Variants in USP6NL observed in about 807,000 individuals in gnomAD.
The protein encoded by USP6NL is USP6 N-terminal-like protein.
A neutral mutation model predicts 61.9 loss-of-function variants in USP6NL; 26 were observed. The ratio of observed to expected loss-of-function variants is 0.42; its 90% CI spans 0.31 to 0.58. The LOEUF (loss-of-function observed/expected upper bound fraction) is 0.58. Among genes scored for constraint, USP6NL ranks in the 20% least tolerant of loss-of-function variants. The probability of loss-of-function intolerance (pLI) is 0.16; values close to 1 mark genes in which losing one functional copy is unlikely to be tolerated. For missense variants in USP6NL, 1,114 were observed against 1,034.3 expected, an observed-to-expected ratio of 1.08 and a Z score of -1.06; for synonymous variants, 432 against 390.1, an observed-to-expected ratio of 1.11 and a Z score of -1.27.
At chr10:11,584,731 G>A (rs1837907529) in intron 2 of USP6NL, among the ~76,000 whole-genome samples, 1 of 152,140 alleles carries the variant, frequency 6.6e-6, no homozygotes, top group Non-Finnish European at 1.5e-5. Flanking sequence ...GAGCCCAGGA[G>A]TTCAAAACCA....
chr10:11,489,220 T>A lies in USP6NL; in HGVS notation c.546A>T (p.Glu182Asp). ...VLAAYSIYNT[E>D]VGYCQGMSQI... Reference sequence around the variant, plus strand: ...GGCTCATCCCCTGACAATACCCGACTTCCTGGGGAGCAAAGGGGAACACAG... The same window carrying A: ...GGCTCATCCCCTGACAATACCCGACATCCTGGGGAGCAAAGGGGAACACAG... The change falls in exon 10 of 15, where the codon GAA becomes GAT. Residue 182 changes from glutamate to aspartate, a missense_variant and splice_region_variant. Glu to Asp is a conservative substitution (Grantham distance 45). Transcript: ENST00000609104. The surrounding 1 kb of genome is among the most constrained non-coding windows in gnomAD (Gnocchi z 5.7). 1 of 1,613,770 alleles carries A rather than the reference T, an allele frequency of 6.2e-7. No homozygotes were observed. Among genetic ancestry groups the A allele is most frequent in the Non-Finnish European group, 8.5e-7 (1 of 1,179,744 alleles).
intron 2 of USP6NL, chr10:11,573,579 CTTGA>C (rs1184273771): frequency 3.0e-5 from 12 of 398,688 alleles, no homozygotes; most frequent in Non-Finnish European, 5.3e-5. Flanking sequence ...CCTGAAAGTG[CTTGA>C]TTGTTCATTC....
At position 11,485,971 on chromosome 10, in the gene USP6NL, T is replaced by A; in HGVS notation, c.665-60A>T. On this transcript the variant is annotated intron_variant, in intron 10 of 14. Coordinates refer to ENST00000609104, the MANE Select transcript of USP6NL (RefSeq NM_014688.5). The surrounding 1 kb of genome is among the most constrained non-coding windows in gnomAD (Gnocchi z 4.8). The stretch of plus-strand genomic sequence containing the variant: ...CAATACCAACAAAACCCTCCAATCT[T>A]AAAACACAACATATTTCATTTGTAA... 1 of 1,124,342 alleles carries A rather than the reference T, an allele frequency of 8.9e-7. No individual in the cohort carries two copies. The highest frequency in any genetic ancestry group is 1.3e-6 in the Non-Finnish European group (1 of 798,012). 69.6% of individuals were successfully genotyped at this position (1,124,342 alleles called of 1,614,324 possible). A position where few individuals can be genotyped will look rare whatever the true frequency, so the allele number is the denominator to read the frequency against.
rs556359509 is a variant in USP6NL, at chr10:11,506,489, T to A, written c.276+3106A>T. Among the ~76,000 whole-genome samples, 45 of 150,454 alleles carry A rather than the reference T, an allele frequency of 3.0e-4. No homozygotes were observed. In the South Asian group the frequency reaches 5.7e-3, roughly 19 times the overall value. On this transcript the variant is annotated intron_variant, in intron 6 of 14. Transcript: ENST00000609104. Reference sequence around the variant, plus strand: ...AGACCCTATCTCTAGAAAAATAAAATTTTTTTTTTAATTAGCAGGCATGGT... The same window carrying A: ...AGACCCTATCTCTAGAAAAATAAAAATTTTTTTTTAATTAGCAGGCATGGT...
Position 11,462,714 on chromosome 10 carries a change from T to G in USP6NL, c.2214A>C (p.Glu738Asp), listed in dbSNP as rs759103678. 6.2e-7 allele frequency: 1 copy of G among 1,614,028 alleles called. No individual in the cohort carries two copies. The highest frequency in any genetic ancestry group is 2.2e-5 in the East Asian group (1 of 44,886). The change falls in exon 15 of 15, where the codon GAA becomes GAC. Residue 738 changes from glutamate (E) to aspartate (D), a missense_variant. Coordinates refer to ENST00000609104, the MANE Select transcript of USP6NL (RefSeq NM_014688.5). Reference protein sequence around the residue: ...DYLPDNRTWSEVSYTYRPETQ... With the variant: ...DYLPDNRTWSDVSYTYRPETQ... Reference sequence around the variant, plus strand: ...TCTCAGGTCTGTATGTATAACTAACTTCTGACCATGTTCTGTTATCTGGCA... The same window carrying G: ...TCTCAGGTCTGTATGTATAACTAACGTCTGACCATGTTCTGTTATCTGGCA...
At chr10:11,584,852 C>A (rs748139271) in intron 2 of USP6NL, among the ~76,000 whole-genome samples, 12 of 152,060 alleles carry the variant, frequency 7.9e-5, no homozygotes, top group Non-Finnish European at 1.6e-4. Flanking sequence ...GTGGGAGAAT[C>A]ACTTGAGCCA....
At chr10:11,484,895 G>A in intron 13 of USP6NL, 76 bp downstream of exon 13, 1 of 1,135,926 alleles carries the variant, frequency 8.8e-7, no homozygotes, top group Non-Finnish European at 1.2e-6. Flanking sequence ...AAGTTGAAGT[G>A]GGTGGGGAAT....
rs932743348 is a variant in USP6NL at position 11,474,483 on chromosome 10, G to T, written c.1078+7287C>A. 6.6e-6 allele frequency among the ~76,000 whole-genome samples: 1 copy of T among 152,110 alleles called. No individual in the cohort carries two copies. The highest frequency in any genetic ancestry group is 2.1e-4 in the South Asian group (1 of 4,830). The stretch of plus-strand genomic sequence containing the variant: ...TACATTTATAAAGGCAATTAAAAAC[G>T]TTTGTAGGAATTTATGTTTATAAGT... On this transcript the variant is annotated intron_variant, in intron 14 of 14. Coordinates refer to ENST00000609104, the MANE Select transcript of USP6NL (RefSeq NM_014688.5). This position sits in a 1 kb window ranked among gnomAD's most constrained non-coding sequence, Gnocchi z 4.9.
Position 11,494,649 on chromosome 10 carries a change from T to C in USP6NL, c.385-1421A>G, listed in dbSNP as rs548180548. On this transcript the variant is annotated intron_variant, in intron 7 of 14. Coordinates refer to ENST00000609104, the MANE Select transcript of USP6NL (RefSeq NM_014688.5). ...AAAGGGGCAGGGTAAAGAGTGTGAG[T>C]CATCTCCAGTGATAGGTAAGGTCAT... Among the ~76,000 whole-genome samples the C allele has an allele frequency of 3.3e-5, 5 of 152,044 alleles. No homozygotes were observed. In the South Asian group the frequency reaches 1.0e-3, roughly 32 times the overall value.
intron 2 of USP6NL, among the ~76,000 whole-genome samples, chr10:11,559,272 C>A (rs1836832664): frequency 6.6e-6 from 1 of 152,082 alleles, no homozygotes; most frequent in Non-Finnish European, 1.5e-5. Flanking sequence ...TATTTATTGA[C>A]CCAAATAACA....
At position 11,548,224 on chromosome 10, in the gene USP6NL, A is replaced by C. The variant is rs966042573; in HGVS notation, c.5-20657T>G. Among the ~76,000 whole-genome samples, 1 of 152,234 alleles carries C rather than the reference A, an allele frequency of 6.6e-6. No individual in the cohort carries two copies. The highest frequency in any genetic ancestry group is 1.5e-5 in the Non-Finnish European group (1 of 68,038). ...ACATATTCACACTGTCTAACACATG[A>C]CATTTACTAAAGTCCCCTTTGAAAT... On this transcript the variant is annotated intron_variant, in intron 2 of 14. Coordinates refer to ENST00000609104, the MANE Select transcript of USP6NL (RefSeq NM_014688.5). The surrounding 1 kb of genome is among the most constrained non-coding windows in gnomAD (Gnocchi z 4.3).
chr10:11,594,681 C>T (rs1307462337), intron 2 of USP6NL, among the ~76,000 whole-genome samples: 1 of 152,182 alleles, frequency 6.6e-6, no homozygotes, highest in Non-Finnish European at 1.5e-5. Context: ...GGGCCACACT[C>T]TACACATACA....
chr10:11,463,233 C>T lies in USP6NL; in HGVS notation c.1695G>A (p.Val565=), dbSNP rs1434933502. ...AGTAAGCCCTTTCCAGCGCCTCCTCCACGGAAGCGCCGCTGTCCAGCTCCG... is the reference window on the plus strand; with the variant it reads ...AGTAAGCCCTTTCCAGCGCCTCCTCTACGGAAGCGCCGCTGTCCAGCTCCG... ...PGPELDSGAS[V]EEALERAYSQ... is the part of the protein sequence containing the mutation. The change falls in exon 15 of 15, where the codon GTG becomes GTA. Residue 565 remains valine (V), a synonymous_variant. Transcript: ENST00000609104. This position sits in a 1 kb window ranked among gnomAD's most constrained non-coding sequence, Gnocchi z 6.3. 1 of 1,613,390 alleles carries T rather than the reference C, an allele frequency of 6.2e-7. No individual in the cohort carries two copies. Among genetic ancestry groups the T allele is most frequent in the Non-Finnish European group, 8.5e-7 (1 of 1,179,890 alleles).
rs937696520 is a variant in USP6NL at position 11,518,883 on chromosome 10, G to T, written c.156-309C>A. Among the ~76,000 whole-genome samples, 6 of 152,192 alleles carry T rather than the reference G, an allele frequency of 3.9e-5. No homozygotes were observed. Among genetic ancestry groups the T allele is most frequent in the African/African-American group, 9.7e-5 (4 of 41,438 alleles). ...TAGTCTCACTAGGCACAGTTCAAGTGCATGAATGTCACGTAGCTAGAAGCC... is the reference window on the plus strand; with the variant it reads ...TAGTCTCACTAGGCACAGTTCAAGTTCATGAATGTCACGTAGCTAGAAGCC... On this transcript the variant is annotated intron_variant, in intron 4 of 14. Transcript: ENST00000609104. This position sits in a 1 kb window ranked among gnomAD's most constrained non-coding sequence, Gnocchi z 5.3.
At position 11,596,373 on chromosome 10, in the gene USP6NL, G is replaced by A. The variant is rs1309118957; in HGVS notation, c.4+1258C>T. ...GCGGTGGCTCACGCCTGTAATCCCA[G>A]CATTTTGGGAGGCTGAGGCGGGCGG... On this transcript the variant is annotated intron_variant, in intron 2 of 14. Transcript: ENST00000609104. This position sits in a 1 kb window ranked among gnomAD's most constrained non-coding sequence, Gnocchi z 4.1. Among the ~76,000 whole-genome samples, 1 of 152,162 alleles carries A rather than the reference G, an allele frequency of 6.6e-6. No homozygotes were observed. Among genetic ancestry groups the A allele is most frequent in the Non-Finnish European group, 1.5e-5 (1 of 68,026 alleles).
Position 11,602,825 on chromosome 10 carries a change from G to C in USP6NL, c.-83-5108C>G, listed in dbSNP as rs1487908439. On this transcript the variant is annotated intron_variant, in intron 1 of 14. Coordinates refer to ENST00000609104, the MANE Select transcript of USP6NL (RefSeq NM_014688.5). This position sits in a 1 kb window ranked among gnomAD's most constrained non-coding sequence, Gnocchi z 4.8. ...CTGGTCCCAAGCATTTCAGGTAAGA[G>C]ATACTCAACCTGTCATATCTTCTCA... Among the ~76,000 whole-genome samples, 3 of 152,148 alleles carry C rather than the reference G, an allele frequency of 2.0e-5. No homozygotes were observed. Among genetic ancestry groups the C allele is most frequent in the Non-Finnish European group, 4.4e-5 (3 of 68,030 alleles).
chr10:11,498,276 G>A (rs1174000566), intron 7 of USP6NL, among the ~76,000 whole-genome samples: 2 of 139,140 alleles, frequency 1.4e-5, no homozygotes, highest in Non-Finnish European at 3.1e-5. Flanking sequence ...GATTATCATT[G>A]TGAGTTTGGC....
chr10:11,460,624 C>CATATATAT lies in USP6NL; in HGVS notation c.*1809_*1816dup, dbSNP rs57177555. 0.02 allele frequency: 2,513 copies of CATATATAT among 126,422 alleles called. 42 individuals are homozygous for CATATATAT. Among genetic ancestry groups the CATATATAT allele is most frequent in the East Asian group, 0.035 (168 of 4,770 alleles). The allele number at this position is 126,422 out of a possible 1,614,324, so 7.8% of individuals were successfully genotyped here. On this transcript the variant is annotated 3_prime_UTR_variant, in exon 15 of 15. Transcript: ENST00000609104. ...CTTGTGTGTATATATATATTTTTTGCATATATATATATATATATATATATA... is the reference window on the plus strand; with the variant it reads ...CTTGTGTGTATATATATATTTTTTGCATATATATATATATATATATATATATATATATA...
intron 2 of USP6NL, among the ~76,000 whole-genome samples, chr10:11,594,968 A>T (rs1006826661): frequency 1.3e-5 from 2 of 152,168 alleles, no homozygotes; most frequent in African/African-American, 4.8e-5. Flanking sequence ...TGCTATGGAG[A>T]AGCAGCGCAC....
Sources: allele counts gnomAD v4.1 joint callset (sites outside exome capture counted in the v4.1 genomes callset), GRCh38; gene constraint gnomAD v4.1.1; non-coding constraint Gnocchi (gnomAD v3.1); transcripts MANE v1.5; gene names NCBI Gene and HGNC (gene_info 2026-07-23, HGNC 2026-07-21).